Variants in CORIN observed in about 807,000 individuals in gnomAD.
The protein encoded by CORIN is atrial natriuretic peptide-converting enzyme.
A neutral mutation model predicts 125.3 loss-of-function variants in CORIN; 117 were observed. The ratio of observed to expected loss-of-function variants is 0.93; its 90% confidence interval spans 0.80 to 1.09. The LOEUF (loss-of-function observed/expected upper bound fraction) is 1.09, where lower values mean the gene tolerates loss of function less well. Among genes scored for constraint, CORIN ranks in the 50% least tolerant of loss-of-function variants. The pLI, the probability that CORIN is intolerant of heterozygous loss-of-function variation, is 0.00. For missense variants in CORIN, 1,253 were observed against 1,306.7 expected (o/e 0.96, Z 0.63); for synonymous variants, 450 against 466.4 (o/e 0.96, Z 0.45).
At chr4:47,661,966 G>A (rs1261674367) in intron 11 of CORIN, 110 bp from the exon 12 acceptor site, 20 of 1,069,122 alleles carry the variant, frequency 1.9e-5, no homozygotes, top group Non-Finnish European at 2.4e-5. Flanking sequence ...TGTATTGTGG[G>A]TGTGTGGATA....
chr4:47,766,319 T>C (rs924174246), intron 3 of CORIN, among the ~76,000 whole-genome samples: 2 of 152,204 alleles, frequency 1.3e-5, no homozygotes, highest in African/African-American at 2.4e-5. Context: ...AGGCTCTTTA[T>C]GTAGCCCTAA....
chr4:47,711,521 C>T (rs560120801), intron 5 of CORIN, among the ~76,000 whole-genome samples: 3 of 152,348 alleles, frequency 2.0e-5, no homozygotes, highest in Non-Finnish European at 2.9e-5. Flanking sequence ...GCTGCAACCA[C>T]ACAGGTGAAG....
chr4:47,666,830 T>C (rs775469925), intron 10 of CORIN, among the ~76,000 whole-genome samples: 8 of 152,168 alleles, frequency 5.3e-5, no homozygotes, highest in Non-Finnish European at 1.2e-4. Context: ...GAAATAAATG[T>C]TTGTCATTTA....
At chr4:47,646,625 C>CA (rs1016394739) in intron 13 of CORIN, among the ~76,000 whole-genome samples, 6 of 151,904 alleles carry the variant, frequency 3.9e-5, no homozygotes, top group Non-Finnish European at 7.4e-5. Context: ...GACTACATGG[C>CA]AAAAAAAATT....
Position 47,679,940 on chromosome 4 carries a change from A to T in CORIN, c.1132+201T>A. 1.2e-5 allele frequency: 5 copies of T among 413,764 alleles called. No homozygotes were observed. The South Asian group carries it at 2.0e-4, about 16-fold the overall frequency. 25.6% of individuals were successfully genotyped at this position (413,764 alleles called of 1,614,324 possible). A position where few individuals can be genotyped will look rare whatever the true frequency, so the allele number is the denominator to read the frequency against. ...ATGAAGCTTGGAGTTTTGCAGGGAG[A>T]GGTGTGGAAGTCAGATACACTCCAT... is the stretch of plus-strand genomic sequence containing the variant. On this transcript the variant is annotated intron_variant, in intron 8 of 21. Coordinates refer to ENST00000273857, the MANE Select transcript of CORIN (RefSeq NM_006587.4).
intron 20 of CORIN, among the ~76,000 whole-genome samples, chr4:47,601,042 C>G (rs1325161444): frequency 6.6e-6 from 1 of 152,168 alleles, no homozygotes; most frequent in Non-Finnish European, 1.5e-5. Flanking sequence ...ACACACTGTT[C>G]TTCTTTTAAA....
At chr4:47,789,111 T>A (rs1199160339) in intron 2 of CORIN, among the ~76,000 whole-genome samples, 1 of 151,972 alleles carries the variant, frequency 6.6e-6, no homozygotes, top group Admixed American at 6.6e-5. Flanking sequence ...TAGACCACCC[T>A]GACCCGCGTG....
chr4:47,734,586 T>G (rs1728038883), intron 5 of CORIN, among the ~76,000 whole-genome samples: 1 of 152,244 alleles, frequency 6.6e-6, no homozygotes, highest in South Asian at 2.1e-4. Context: ...TTCTGTTTCT[T>G]ACACGTGGGT....
intron 18 of CORIN, 63 bp downstream of exon 18, chr4:47,623,836 T>C: frequency 6.2e-7 from 1 of 1,606,212 alleles, no homozygotes; most frequent in South Asian, 1.1e-5. Flanking sequence ...CGATCACTCT[T>C]CCCCTGAGCC....
intron 16 of CORIN, among the ~76,000 whole-genome samples, chr4:47,638,346 T>A (rs1445656625): frequency 6.6e-6 from 1 of 152,162 alleles, no homozygotes; most frequent in Non-Finnish European, 1.5e-5. Context: ...AAGGAATGAT[T>A]GGTTTTGAAA....
chr4:47,627,064 A>G (rs1722605939), intron 16 of CORIN, among the ~76,000 whole-genome samples: 2 of 151,974 alleles, frequency 1.3e-5, no homozygotes, highest in South Asian at 4.1e-4. Context: ...GCTCACTGCA[A>G]CGTCTGCCTC....
intron 4 of CORIN, among the ~76,000 whole-genome samples, chr4:47,762,750 T>C (rs928678754): frequency 6.6e-6 from 1 of 152,156 alleles, no homozygotes; most frequent in African/African-American, 2.4e-5. Flanking sequence ...TGTCCTCTGG[T>C]TGTGGATGAG....
chr4:47,766,582 G>A (rs1331128292), intron 3 of CORIN, among the ~76,000 whole-genome samples: 1 of 152,078 alleles, frequency 6.6e-6, no homozygotes, highest in Non-Finnish European at 1.5e-5. Context: ...GAAGGAGAAT[G>A]AATACTGGTG....
At chr4:47,714,921 A>C (rs1367439642) in intron 5 of CORIN, among the ~76,000 whole-genome samples, 1 of 152,218 alleles carries the variant, frequency 6.6e-6, no homozygotes, top group African/African-American at 2.4e-5. Context: ...ATGAGACTTA[A>C]ATGTTGCTAT....
intron 6 of CORIN, among the ~76,000 whole-genome samples, chr4:47,685,523 A>G (rs986804412): frequency 2.0e-5 from 3 of 152,212 alleles, no homozygotes; most frequent in Non-Finnish European, 4.4e-5. Context: ...TTGGTGACTG[A>G]CTACAAATGT....
At chr4:47,702,709 G>A (rs1159699074) in intron 5 of CORIN, among the ~76,000 whole-genome samples, 2 of 151,882 alleles carry the variant, frequency 1.3e-5, no homozygotes, top group Non-Finnish European at 2.9e-5. Context: ...TATGTATCCT[G>A]AGAACCAGAA....
intron 5 of CORIN, among the ~76,000 whole-genome samples, chr4:47,693,556 C>T (rs976768002): frequency 2.6e-5 from 4 of 152,084 alleles, no homozygotes; most frequent in African/African-American, 9.7e-5. Context: ...TAACCATTTA[C>T]TGTGTGTTTG....
At chr4:47,648,915 G>A (rs1450424674) in intron 13 of CORIN, among the ~76,000 whole-genome samples, 1 of 152,182 alleles carries the variant, frequency 6.6e-6, no homozygotes, top group Non-Finnish European at 1.5e-5. Context: ...CAGGTGTGAA[G>A]AGCCTTCTAC....
intron 3 of CORIN, among the ~76,000 whole-genome samples, chr4:47,768,319 T>G (rs1443522344): frequency 6.6e-6 from 1 of 152,148 alleles, no homozygotes; most frequent in Non-Finnish European, 1.5e-5. Context: ...CGGACTCAAG[T>G]GAAAGAACCA....
Sources: allele counts gnomAD v4.1 joint callset (sites outside exome capture counted in the v4.1 genomes callset), GRCh38; gene constraint gnomAD v4.1.1; transcripts MANE v1.5; gene names NCBI Gene and HGNC (gene_info 2026-07-23, HGNC 2026-07-21).